Variants in ABI2 observed in about 807,000 individuals in gnomAD.
The protein encoded by ABI2 is abl interactor 2.
In ABI2, 25 loss-of-function variants were observed where a neutral mutation model predicts 59.2. The ratio of observed to expected loss-of-function variants is 0.42; its 90% CI spans 0.31 to 0.59. ABI2 has a LOEUF of 0.59. Ranked by LOEUF, ABI2 falls within the 20% of genes least tolerant of loss-of-function variation. The pLI is 0.14. For synonymous variants in ABI2, 213 were observed against 235.5 expected, an observed-to-expected ratio of 0.90 and a Z score of 0.87; for missense variants, 545 against 681.8, an observed-to-expected ratio of 0.80 and a Z score of 2.23.
chr2:203,423,110 C>CT (rs1412259878), intron 11 of ABI2, among the ~76,000 whole-genome samples: 5 of 152,142 alleles, frequency 3.3e-5, no homozygotes, highest in East Asian at 3.8e-4. Context: ...GGTGGTCAGT[C>CT]TTTTTAGTTC....
intron 11 of ABI2, among the ~76,000 whole-genome samples, chr2:203,421,519 C>G (rs928444229): frequency 6.6e-6 from 1 of 152,016 alleles, no homozygotes; most frequent in Admixed American, 6.6e-5. Context: ...TTGAATGGTC[C>G]CTTTGGCACC....
In ABI2 at chr2:203,431,226, ATGAGG is replaced by A. The variant is rs1280786665; in HGVS notation, c.*3879_*3883del. On this transcript the variant is annotated 3_prime_UTR_variant, in exon 12 of 12. Coordinates refer to ENST00000261018, the MANE Select transcript of ABI2 (RefSeq NM_001375670.1). The stretch of plus-strand genomic sequence containing the variant: ...AATTTCTGGTTGTCTCATTAGACTG[ATGAGG>A]TGAGTTTTCTTCTTCATATGAACAG... The A allele has an allele frequency of 6.6e-6, 1 of 152,620 alleles. No homozygotes were observed. Among genetic ancestry groups the A allele is most frequent in the East Asian group, 1.9e-4 (1 of 5,202 alleles). 9.5% of individuals were successfully genotyped at this position (152,620 alleles called of 1,614,324 possible). A position where few individuals can be genotyped will look rare whatever the true frequency, so the allele number is the denominator to read the frequency against.
chr2:203,341,079 TC>T (rs1348105315), intron 1 of ABI2, among the ~76,000 whole-genome samples: 3 of 152,186 alleles, frequency 2.0e-5, no homozygotes, highest in South Asian at 4.1e-4. Flanking sequence ...TTCTTTTACT[TC>T]CTTCAAGCTT....
intron 2 of ABI2, among the ~76,000 whole-genome samples, chr2:203,378,780 A>G (rs2095889711): frequency 6.6e-6 from 1 of 152,140 alleles, no homozygotes; most frequent in Non-Finnish European, 1.5e-5. Flanking sequence ...TGAGCCAGGA[A>G]TTGGTGGTAA....
chr2:203,385,233 G>T (rs991364198), intron 4 of ABI2, among the ~76,000 whole-genome samples: 2 of 148,412 alleles, frequency 1.3e-5, no homozygotes, highest in African/African-American at 5.0e-5. Context: ...CAGGTTTCAC[G>T]CCATTCTCCT....
intron 8 of ABI2, among the ~76,000 whole-genome samples, chr2:203,400,696 A>T (rs901662248): frequency 1.3e-5 from 2 of 152,242 alleles, no homozygotes; most frequent in African/African-American, 4.8e-5. Flanking sequence ...TATAATCCTT[A>T]TATGACTCCA....
chr2:203,431,236 T>C lies in ABI2; in HGVS notation c.*3884T>C, dbSNP rs1298293918. On this transcript the variant is annotated 3_prime_UTR_variant, in exon 12 of 12. Transcript: ENST00000261018. Reference sequence around the variant, plus strand: ...TGTCTCATTAGACTGATGAGGTGAGTTTTCTTCTTCATATGAACAGCTAGT... The same window carrying C: ...TGTCTCATTAGACTGATGAGGTGAGCTTTCTTCTTCATATGAACAGCTAGT... 1 of 152,474 alleles carries C rather than the reference T, an allele frequency of 6.6e-6. No individual in the cohort carries two copies. Among genetic ancestry groups the C allele is most frequent in the African/African-American group, 2.4e-5 (1 of 41,362 alleles). 9.4% of individuals were successfully genotyped at this position (152,474 alleles called of 1,614,324 possible).
intron 8 of ABI2, among the ~76,000 whole-genome samples, chr2:203,399,140 C>T (rs1470161577): frequency 6.6e-6 from 1 of 152,112 alleles, no homozygotes; most frequent in African/African-American, 2.4e-5. Context: ...TCCAAAATGG[C>T]TGTATAATTT....
intron 4 of ABI2, among the ~76,000 whole-genome samples, chr2:203,386,999 A>G (rs553038802): frequency 6.6e-6 from 1 of 151,084 alleles, no homozygotes; most frequent in Non-Finnish European, 1.5e-5. Flanking sequence ...CCTTTAAAGC[A>G]GAGAAATCAT....
chr2:203,405,447 G>C (rs945784623), intron 9 of ABI2, among the ~76,000 whole-genome samples: 1 of 152,086 alleles, frequency 6.6e-6, no homozygotes, highest in African/African-American at 2.4e-5. Context: ...CTCCTCAGGA[G>C]GCTGAGGCAG....
At chr2:203,359,289 T>C (rs1228475325) in intron 1 of ABI2, among the ~76,000 whole-genome samples, 1 of 152,204 alleles carries the variant, frequency 6.6e-6, no homozygotes, top group East Asian at 1.9e-4. Flanking sequence ...CATTTTCATA[T>C]GAACTGAAGA....
intron 8 of ABI2, among the ~76,000 whole-genome samples, chr2:203,399,978 G>T (rs1224124781): frequency 1.3e-5 from 2 of 149,482 alleles, no homozygotes; most frequent in African/African-American, 2.5e-5. Flanking sequence ...TCTTCTAGAA[G>T]TTTTTAGTTT....
At chr2:203,331,673 T>TA (rs1461611434) in intron 1 of ABI2, among the ~76,000 whole-genome samples, 2 of 151,966 alleles carry the variant, frequency 1.3e-5, no homozygotes, top group Non-Finnish European at 2.9e-5. Context: ...TTAGCCTTAT[T>TA]ATAGCATCAT....
Position 203,346,244 on chromosome 2 carries a change from T to C in ABI2, c.117+17613T>C, listed in dbSNP as rs114624846. ...CAACTATTTAAATCTTTGAGGAGTT[T>C]ATTGTTGCAGATGTGCAAACCAGAT... On this transcript the variant is annotated intron_variant, in intron 1 of 11. Transcript: ENST00000261018. 4.9e-3 allele frequency among the ~76,000 whole-genome samples: 742 copies of C among 152,336 alleles called. 3 individuals carry two copies. Among genetic ancestry groups the C allele is most frequent in the Non-Finnish European group, 7.5e-3 (512 of 68,030 alleles).
chr2:203,416,264 G>A (rs2097887780), intron 10 of ABI2, among the ~76,000 whole-genome samples: 1 of 151,778 alleles, frequency 6.6e-6, no homozygotes, highest in South Asian at 2.1e-4. Flanking sequence ...CTGATCTCTG[G>A]GTTTTTTTAT....
At chr2:203,345,283 C>T (rs1394398871) in intron 1 of ABI2, among the ~76,000 whole-genome samples, 1 of 152,192 alleles carries the variant, frequency 6.6e-6, no homozygotes, top group Non-Finnish European at 1.5e-5. Flanking sequence ...AGGTCTGTGG[C>T]TTCACCCTGA....
intron 2 of ABI2, among the ~76,000 whole-genome samples, chr2:203,373,007 C>T (rs1338145475): frequency 6.6e-6 from 1 of 152,110 alleles, no homozygotes; most frequent in Non-Finnish European, 1.5e-5. Flanking sequence ...GGGCTCCTCA[C>T]GTCCCAGACG....
chr2:203,403,742 G>GTTTTTTT (rs56123341), intron 9 of ABI2, among the ~76,000 whole-genome samples: 1 of 95,298 alleles, frequency 1.0e-5, no homozygotes, highest in Admixed American at 1.4e-4. Flanking sequence ...CTTTCTTTCT[G>GTTTTTTT]TTTTTTTTTT....
At chr2:203,380,781 T>C (rs1462699258) in intron 3 of ABI2, among the ~76,000 whole-genome samples, 1 of 152,208 alleles carries the variant, frequency 6.6e-6, no homozygotes, top group Non-Finnish European at 1.5e-5. Context: ...AAACAAGATA[T>C]ATTAATAGAC....
Sources: allele counts gnomAD v4.1 joint callset (sites outside exome capture counted in the v4.1 genomes callset), GRCh38; gene constraint gnomAD v4.1.1; transcripts MANE v1.5; gene names NCBI Gene and HGNC (gene_info 2026-07-23, HGNC 2026-07-21).